The following GALNT9 variants were observed in gnomAD, a reference collection of about 807,000 sequenced individuals.
GALNT9 encodes GalNAc transferase 9.
A neutral mutation model predicts 63.1 loss-of-function variants in GALNT9; 47 were observed. The ratio of observed to expected loss-of-function variants is 0.75; its 90% CI spans 0.59 to 0.95. GALNT9 has a LOEUF of 0.95. Among genes scored for constraint, GALNT9 ranks in the 40% least tolerant of loss-of-function variants. GALNT9 has a pLI of 0.00. For missense variants in GALNT9, 829 were observed against 874.8 expected (o/e 0.95, Z 0.66); for synonymous variants, 396 against 365.7 (o/e 1.08, Z -0.94).
chr12:132,285,326 G>A (rs1301675872), intron 2 of GALNT9, among the ~76,000 whole-genome samples: 1 of 152,282 alleles, frequency 6.6e-6, no homozygotes, highest in Non-Finnish European at 1.5e-5. Context: ...TGGGCTCTGC[G>A]GACAGAGACG....
Position 132,197,781 on chromosome 12 carries a change from CA to C in GALNT9, c.1665+10del. ...CCCCAACCCCACGGCCCCCCTTCCCCAGAGGCTGACCTGGGTGAAGTCCCAC... is the reference window on the plus strand; with the variant it reads ...CCCCAACCCCACGGCCCCCCTTCCCCGAGGCTGACCTGGGTGAAGTCCCAC... On this transcript the variant is annotated intron_variant, in intron 10 of 10. Coordinates refer to ENST00000328957, the MANE Select transcript of GALNT9 (RefSeq NM_001122636.2). 1 of 1,547,364 alleles carries C rather than the reference CA, an allele frequency of 6.5e-7. No homozygotes were observed. The highest frequency in any genetic ancestry group is 8.8e-7 in the Non-Finnish European group (1 of 1,140,892).
In GALNT9 at chr12:132,245,152, C is replaced by T. The variant is rs1878661284; in HGVS notation, c.1077+2758G>A. The stretch of plus-strand genomic sequence containing the variant: ...GAGGAGTCAGGCCATCAGAAAGGCC[C>T]CTATGTCAGCCAGGCGTGGTGGTTC... On this transcript the variant is annotated intron_variant, in intron 6 of 10. Transcript: ENST00000328957. The surrounding 1 kb of genome is among the most constrained non-coding windows in gnomAD (Gnocchi z 6.3). Among the ~76,000 whole-genome samples, 1 of 151,888 alleles carries T rather than the reference C, an allele frequency of 6.6e-6. No individual in the cohort carries two copies. The highest frequency in any genetic ancestry group is 2.4e-5 in the African/African-American group (1 of 41,312).
At chr12:132,267,895 ACACGCACACAAATCCACATGCACT>A (rs1879695864) in intron 2 of GALNT9, among the ~76,000 whole-genome samples, 1 of 148,562 alleles carries the variant, frequency 6.7e-6, no homozygotes, top group African/African-American at 2.5e-5. Context: ...TCACACGCAC[ACACGCACACAAATCCACATGCACT>A]CACACACATG....
At position 132,319,927 on chromosome 12, in the gene GALNT9, G is replaced by A. The variant is rs1056048900; in HGVS notation, c.238+9039C>T. ...GACCCCGCCATGCAGGCGGGCACAC[G>A]AGGCAGGCGCTCCTAAGGAAAAGGG... On this transcript the variant is annotated intron_variant, in intron 1 of 10. Transcript: ENST00000328957. This position sits in a 1 kb window ranked among gnomAD's most constrained non-coding sequence, Gnocchi z 5.2. 1.3e-5 allele frequency among the ~76,000 whole-genome samples: 2 copies of A among 152,324 alleles called. No homozygotes were observed. Among genetic ancestry groups the A allele is most frequent in the East Asian group, 1.9e-4 (1 of 5,176 alleles).
Position 132,310,983 on chromosome 12 carries a change from G to C in GALNT9, c.238+17983C>G, listed in dbSNP as rs117286593. Reference sequence around the variant, plus strand: ...TGTGGCGCTGGCAGCCCAAGACAGGGACTCGGCCGCAGCTAAAGTTTCCCA... The same window carrying C: ...TGTGGCGCTGGCAGCCCAAGACAGGCACTCGGCCGCAGCTAAAGTTTCCCA... On this transcript the variant is annotated intron_variant, in intron 1 of 10. Transcript: ENST00000328957. The surrounding 1 kb of genome is among the most constrained non-coding windows in gnomAD (Gnocchi z 4.8). Among the ~76,000 whole-genome samples the C allele has an allele frequency of 2.5e-4, 38 of 152,334 alleles. No homozygotes were observed. In the East Asian group the frequency reaches 6.9e-3, roughly 28 times the overall value.
intron 6 of GALNT9, among the ~76,000 whole-genome samples, chr12:132,243,821 C>T (rs1190461264): frequency 6.6e-6 from 1 of 152,166 alleles, no homozygotes; most frequent in Admixed American, 6.5e-5. Context: ...GCTGTCCCAG[C>T]CCACCCGTCA....
chr12:132,237,565 C>T (rs2135528505), intron 6 of GALNT9, among the ~76,000 whole-genome samples: 1 of 152,096 alleles, frequency 6.6e-6, no homozygotes, highest in South Asian at 2.1e-4. Flanking sequence ...CTGCATATAC[C>T]TGCTCACACC....
At chr12:132,260,777 C>T (rs1035392750) in intron 4 of GALNT9, among the ~76,000 whole-genome samples, 171 bp downstream of exon 4, 9 of 152,346 alleles carry the variant, frequency 5.9e-5, no homozygotes, top group Non-Finnish European at 5.9e-5. Flanking sequence ...CAGAGGTAAC[C>T]GCACAGGTGG....
At chr12:132,298,401 C>A (rs1881154982) in intron 1 of GALNT9, among the ~76,000 whole-genome samples, 1 of 151,094 alleles carries the variant, frequency 6.6e-6, no homozygotes, top group Non-Finnish European at 1.5e-5. Context: ...TAATCCACTC[C>A]TGATAACCAA....
chr12:132,259,158 A>AG (rs1270931512), intron 4 of GALNT9, among the ~76,000 whole-genome samples: 1 of 152,242 alleles, frequency 6.6e-6, no homozygotes, highest in African/African-American at 2.4e-5. Context: ...TCTTCTAATA[A>AG]GGCAGAATCC....
chr12:132,239,295 CAG>C (rs1198083285), intron 6 of GALNT9, among the ~76,000 whole-genome samples: 2 of 130,464 alleles, frequency 1.5e-5, no homozygotes, highest in South Asian at 5.0e-4. Context: ...CACAGAGAGA[CAG>C]AGAGAGACAC....
At chr12:132,241,387 A>G (rs1340451081) in intron 6 of GALNT9, among the ~76,000 whole-genome samples, 7 of 21,064 alleles carry the variant, frequency 3.3e-4, no homozygotes, top group Non-Finnish European at 4.6e-4. Flanking sequence ...TTACACACAC[A>G]CCACACCCCC....
intron 9 of GALNT9, 56 bp downstream of exon 9, chr12:132,199,118 G>C (rs35117555): frequency 1.7e-6 from 2 of 1,159,794 alleles, no homozygotes; most frequent in East Asian, 2.3e-5. Flanking sequence ...TGTAGGGTCC[G>C]GGTGGCCTGG....
In GALNT9 at chr12:132,251,146, G is replaced by T. The variant is rs117667539; in HGVS notation, c.960-3119C>A. Among the ~76,000 whole-genome samples, 661 of 152,344 alleles carry T rather than the reference G, an allele frequency of 4.3e-3. 3 individuals are homozygous for T. The highest frequency in any genetic ancestry group is 8.3e-3 in the Non-Finnish European group (562 of 68,030). ...GGTACACGTACGTGCAGATGTGCGA[G>T]CCACAAACGCATGGAAACATCACCC... On this transcript the variant is annotated intron_variant, in intron 5 of 10. Coordinates refer to ENST00000328957, the MANE Select transcript of GALNT9 (RefSeq NM_001122636.2).
intron 1 of GALNT9, among the ~76,000 whole-genome samples, chr12:132,302,499 G>C (rs1449708670): frequency 3.9e-5 from 6 of 152,178 alleles, no homozygotes; most frequent in African/African-American, 1.4e-4. Context: ...TTGTAGCCGT[G>C]CCATTTATTC....
At chr12:132,254,194 G>GT (rs1879030919) in intron 5 of GALNT9, among the ~76,000 whole-genome samples, 1 of 151,860 alleles carries the variant, frequency 6.6e-6, no homozygotes, top group Admixed American at 6.6e-5. Context: ...GCGAATTTTT[G>GT]TATTTTTAGT....
At chr12:132,207,378 C>CACAGCCACTT (rs1363623514) in intron 6 of GALNT9, among the ~76,000 whole-genome samples, 4 of 152,230 alleles carry the variant, frequency 2.6e-5, no homozygotes, top group Non-Finnish European at 5.9e-5. Flanking sequence ...TTAGGAACCC[C>CACAGCCACTT]ACAGCCACTT....
At chr12:132,221,187 T>C (rs1023606385) in intron 6 of GALNT9, among the ~76,000 whole-genome samples, 5 of 139,890 alleles carry the variant, frequency 3.6e-5, no homozygotes, top group East Asian at 2.1e-4. Context: ...AACCTGTCTC[T>C]ACCAAAAATA....
intron 6 of GALNT9, among the ~76,000 whole-genome samples, chr12:132,243,565 T>C (rs1188357916): frequency 2.6e-5 from 4 of 152,148 alleles, no homozygotes; most frequent in Non-Finnish European, 2.9e-5. Flanking sequence ...CCACGTCTCT[T>C]CGTCTGGCTC....
Sources: gnomAD v4.1 joint callset for allele counts (sites outside exome capture counted in the v4.1 genomes callset) on GRCh38, gnomAD v4.1.1 for gene constraint, Gnocchi (gnomAD v3.1) non-coding constraint, MANE v1.5 for transcripts, NCBI Gene and HGNC (gene_info 2026-07-23, HGNC 2026-07-21) for gene names.